SLC5A4: variants seen among roughly 807,000 people sequenced by gnomAD.
SLC5A4 encodes the protein probable glucose sensor protein SLC5A4.
In SLC5A4, 55 loss-of-function variants were observed where a neutral mutation model predicts 70.3. That is an observed-to-expected ratio of 0.78 (90% CI 0.63 to 0.98). The LOEUF (loss-of-function observed/expected upper bound fraction) is 0.98. Ranked by LOEUF, SLC5A4 falls within the 50% of genes least tolerant of loss-of-function variation. The probability of loss-of-function intolerance (pLI) is 0.00; values close to 1 mark genes in which losing one functional copy is unlikely to be tolerated. For synonymous variants in SLC5A4, 268 were observed against 305.7 expected (o/e 0.88, Z 1.29); for missense variants, 735 against 839.2 (o/e 0.88, Z 1.53).
Position 32,237,663 on chromosome 22 carries a change from A to T in SLC5A4, c.584-339T>A, listed in dbSNP as rs111682396. ...AATTTACGCCCATTCAGCACAGTGCACCTGCTCTAAAATATCTAGTGAAAC... is the reference window on the plus strand; with the variant it reads ...AATTTACGCCCATTCAGCACAGTGCTCCTGCTCTAAAATATCTAGTGAAAC... On this transcript the variant is annotated intron_variant, in intron 6 of 14. Transcript: ENST00000266086. Among the ~76,000 whole-genome samples, 15 of 152,326 alleles carry T rather than the reference A, an allele frequency of 9.8e-5. No homozygotes were observed. The South Asian group carries it at 2.9e-3, about 29-fold the overall frequency.
At chr22:32,354,030 C>T in the SLC5A4 span, among the ~76,000 whole-genome samples, 1 of 151,102 alleles carries the variant, frequency 6.6e-6, no homozygotes, top group East Asian at 2.0e-4. Context: ...GGCAAGGTAG[C>T]CCCCGATAGC....
chr22:32,248,603 T>C (rs1926968055), intron 4 of SLC5A4, 140 bp downstream of exon 4: 2 of 661,230 alleles, frequency 3.0e-6, no homozygotes, highest in Non-Finnish European at 5.5e-6. Context: ...GATTTGAGAC[T>C]GAGCTCCCAT....
the SLC5A4 span, among the ~76,000 whole-genome samples, chr22:32,330,965 G>GTATGC: frequency 2.0e-5 from 1 of 50,744 alleles, no homozygotes; most frequent in African/African-American, 7.7e-5. Context: ...TGTGTGTGTT[G>GTATGC]GGGGCACTGG....
chr22:32,272,949 C>T, the SLC5A4 span: 1 of 538,350 alleles, frequency 1.9e-6, no homozygotes, highest in Admixed American at 2.2e-5. Context: ...TGGACCTCCG[C>T]ACCCTCCAGA....
At chr22:32,330,344 A>G in the SLC5A4 span, among the ~76,000 whole-genome samples, 3 of 27,402 alleles carry the variant, frequency 1.1e-4, no homozygotes, top group Admixed American at 6.6e-4. Flanking sequence ...TCTGGTGTAT[A>G]TGTTGGGGGC....
chr22:32,219,901 A>G (rs1277875329), intron 14 of SLC5A4, among the ~76,000 whole-genome samples: 2 of 152,096 alleles, frequency 1.3e-5, no homozygotes, highest in Non-Finnish European at 2.9e-5. Context: ...TTATGCCAAT[A>G]TATTTAAAAT....
the SLC5A4 span, among the ~76,000 whole-genome samples, chr22:32,321,078 G>A: frequency 5.3e-5 from 8 of 152,170 alleles, no homozygotes; most frequent in Non-Finnish European, 1.0e-4. Flanking sequence ...ACCAGGTCAG[G>A]AGTTCAAAAC....
upstream of SLC5A4, among the ~76,000 whole-genome samples, chr22:32,260,212 CAGAA>C (rs1181591182): frequency 1.3e-5 from 2 of 152,082 alleles, no homozygotes; most frequent in Non-Finnish European, 2.9e-5. Context: ...AGGTAAAGAG[CAGAA>C]AGAGACAGGA....
chr22:32,330,380 GGGGGCTCTGTGTATT>G, the SLC5A4 span, among the ~76,000 whole-genome samples: 5 of 55,214 alleles, frequency 9.1e-5, no homozygotes, highest in African/African-American at 2.4e-4. Flanking sequence ...GGTGTGTGTT[GGGGGCTCTGTGTATT>G]GGGGCTCTGG....
Position 32,220,962 on chromosome 22 carries a change from C to T in SLC5A4, c.1726G>A (p.Glu576Lys). Residue 576 changes from glutamate (E) to lysine (K), a missense_variant, in exon 14 of 15, where the codon GAA becomes AAA. Transcript: ENST00000266086. ...STEERIDIDA[E>K]EKSQEETDDG... Reference sequence around the variant, plus strand: ...TCTGTTTCTTCCTGACTTTTCTCTTCTGCATCTATATCGATTCGCTCCTCT... The same window carrying T: ...TCTGTTTCTTCCTGACTTTTCTCTTTTGCATCTATATCGATTCGCTCCTCT... 1.2e-6 allele frequency: 2 copies of T among 1,613,970 alleles called. No homozygotes were observed. Among genetic ancestry groups the T allele is most frequent in the Non-Finnish European group, 1.7e-6 (2 of 1,179,842 alleles).
At position 32,218,639 on chromosome 22, in the gene SLC5A4, C is replaced by T; in HGVS notation, c.1855G>A (p.Glu619Lys). 1 of 1,613,970 alleles carries T rather than the reference C, an allele frequency of 6.2e-7. No individual in the cohort carries two copies. The highest frequency in any genetic ancestry group is 8.5e-7 in the Non-Finnish European group (1 of 1,179,982). ...LQKGPKLTKE[E>K]EEALSKKLTD... ...AGCTTCTTGCTCAAGGCTTCCTCCT[C>T]CTCCTTGGTTAGCTTGGGTCCCTTC... Residue 619 changes from glutamate (E) to lysine (K), a missense_variant, in exon 15 of 15, where the codon GAG (glutamate) becomes AAG (lysine). By Grantham distance (56) the Glu-to-Lys change is moderately conservative. Transcript: ENST00000266086.
In SLC5A4 at chr22:32,228,315, T is replaced by C. The variant is rs778301794; in HGVS notation, c.1280+879A>G. Among the ~76,000 whole-genome samples the C allele has an allele frequency of 4.3e-4, 63 of 146,148 alleles. 1 individual carries two copies. Among genetic ancestry groups the C allele is most frequent in the Admixed American group, 1.1e-3 (17 of 14,846 alleles). The stretch of plus-strand genomic sequence containing the variant: ...CAGCACTTTGGGAGGCCGAGGAGAA[T>C]GGATCACCCAAGGTCAGGAGTTTGA... On this transcript the variant is annotated intron_variant, in intron 11 of 14. Transcript: ENST00000266086.
At position 32,220,927 on chromosome 22, in the gene SLC5A4, A is replaced by C; in HGVS notation, c.1761T>G (p.Val587=). ...EKSQEETDDG[V]EEDYPEKSRG... Reference sequence around the variant, plus strand: ...ATGTAAACCAAATATTACCTTCTTCAACACCATCATCTGTTTCTTCCTGAC... The same window carrying C: ...ATGTAAACCAAATATTACCTTCTTCCACACCATCATCTGTTTCTTCCTGAC... Residue 587 remains valine, a synonymous_variant, in exon 14 of 15, where the codon GTT becomes GTG. Coordinates refer to ENST00000266086, the MANE Select transcript of SLC5A4 (RefSeq NM_014227.3). 6.2e-7 allele frequency: 1 copy of C among 1,604,930 alleles called. No individual in the cohort carries two copies. Among genetic ancestry groups the C allele is most frequent in the Non-Finnish European group, 8.5e-7 (1 of 1,171,614 alleles).
the SLC5A4 span, chr22:32,327,494 G>A: frequency 1.3e-5 from 2 of 152,592 alleles, no homozygotes; most frequent in East Asian, 3.9e-4. Context: ...GAGAGGCTCA[G>A]GGCCATGCTG....
the SLC5A4 span, among the ~76,000 whole-genome samples, chr22:32,329,370 A>C: frequency 2.2e-3 from 330 of 152,300 alleles, 4 homozygotes; most frequent in Non-Finnish European, 3.2e-3. Context: ...ACACTCAAGA[A>C]ATGTATGTCT....
chr22:32,329,839 T>TGTGTGTGTTGGGGGCTCTG, the SLC5A4 span, among the ~76,000 whole-genome samples: 2 of 10,926 alleles, frequency 1.8e-4, no homozygotes, highest in Admixed American at 1.2e-3. Context: ...GGGGCTCTGG[T>TGTGTGTGTTGGGGGCTCTG]GTGTGTGTGT....
At chr22:32,237,711 C>T (rs1031121654) in intron 6 of SLC5A4, among the ~76,000 whole-genome samples, 6 of 152,122 alleles carry the variant, frequency 3.9e-5, no homozygotes, top group East Asian at 3.9e-4. Flanking sequence ...AGTGCTGGAA[C>T]GTATTATTGT....
chr22:32,235,011 C>T lies in SLC5A4; in HGVS notation c.747G>A (p.Leu249=), dbSNP rs534894200. The T allele has an allele frequency of 6.2e-7, 1 of 1,613,888 alleles. No individual in the cohort carries two copies. The highest frequency in any genetic ancestry group is 8.5e-7 in the Non-Finnish European group (1 of 1,179,972). Reference sequence around the variant, plus strand: ...GTGTGTAGCAACTGGCACTGATTGTCAAGTTGTCCCCCTCGACTACGGATG... The same window carrying T: ...GTGTGTAGCAACTGGCACTGATTGTTAAGTTGTCCCCCTCGACTACGGATG... ...ATPSVVEGDN[L]TISASCYTPR... is the part of the protein sequence containing the mutation. Residue 249 remains leucine, a synonymous_variant, in exon 8 of 15, where the codon TTG becomes TTA. Transcript: ENST00000266086.
At chr22:32,229,382 T>G in intron 10 of SLC5A4, 38 bp from the exon 11 acceptor site, 5 of 1,604,024 alleles carry the variant, frequency 3.1e-6, no homozygotes, top group Non-Finnish European at 4.3e-6. Flanking sequence ...GGTTAGTGGC[T>G]GGACACTGCC....
Sources: gnomAD v4.1 joint callset for allele counts (sites outside exome capture counted in the v4.1 genomes callset) on GRCh38, gnomAD v4.1.1 for gene constraint, MANE v1.5 for transcripts, NCBI Gene and HGNC (gene_info 2026-07-23, HGNC 2026-07-21) for gene names.